PPFIA2: variants seen among roughly 807,000 people sequenced by gnomAD.
The protein encoded by PPFIA2 is PPFI scaffold protein A2.
A neutral mutation model predicts 175.5 loss-of-function variants in PPFIA2; 46 were observed. The ratio of observed to expected loss-of-function variants is 0.26; its 90% CI spans 0.21 to 0.34. The LOEUF (loss-of-function observed/expected upper bound fraction) is 0.34, where lower values mean the gene tolerates loss of function less well. Ranked by LOEUF, PPFIA2 falls within the 10% of genes least tolerant of loss-of-function variation. The pLI is 1.00. For missense variants in PPFIA2, 1,179 were observed against 1,506.1 expected (o/e 0.78, Z 3.60); for synonymous variants, 568 against 511.4 (o/e 1.11, Z -1.49).
At chr12:81,538,856 A>C (rs1355304891) in intron 4 of PPFIA2, among the ~76,000 whole-genome samples, 1 of 151,870 alleles carries the variant, frequency 6.6e-6, no homozygotes, top group African/African-American at 2.4e-5. Context: ...GAGGGTTCTG[A>C]GGGCAATAAT....
At chr12:81,484,004 C>T (rs1027913468) in intron 4 of PPFIA2, among the ~76,000 whole-genome samples, 13 of 151,918 alleles carry the variant, frequency 8.6e-5, no homozygotes, top group African/African-American at 2.7e-4. Flanking sequence ...GTAGGAATCA[C>T]TTTTAAAATG....
intron 22 of PPFIA2, among the ~76,000 whole-genome samples, chr12:81,310,737 T>C (rs894583698): frequency 3.9e-5 from 6 of 152,270 alleles, no homozygotes; most frequent in South Asian, 2.1e-4. Flanking sequence ...CTGCCTTGCA[T>C]TTTTAAGAAC....
intron 22 of PPFIA2, among the ~76,000 whole-genome samples, chr12:81,311,257 A>AACCAGAGT (rs1181704205): frequency 2.0e-5 from 3 of 152,248 alleles, no homozygotes; most frequent in African/African-American, 7.2e-5. Context: ...TTTAGAAATC[A>AACCAGAGT]ACCAGTAGTA....
intron 7 of PPFIA2, among the ~76,000 whole-genome samples, chr12:81,436,344 A>G (rs2049024380): frequency 1.4e-5 from 2 of 145,328 alleles, no homozygotes; most frequent in South Asian, 2.2e-4. Flanking sequence ...AATCTGATGC[A>G]TCAGATAAAC....
At chr12:81,563,002 G>A (rs914155082) in intron 4 of PPFIA2, among the ~76,000 whole-genome samples, 21 of 151,938 alleles carry the variant, frequency 1.4e-4, no homozygotes, top group African/African-American at 4.6e-4. Context: ...AATGTCAATA[G>A]ACAACGAACA....
intron 22 of PPFIA2, among the ~76,000 whole-genome samples, chr12:81,316,401 A>AT (rs901131450): frequency 7.9e-5 from 12 of 151,522 alleles, no homozygotes; most frequent in South Asian, 6.2e-4. Flanking sequence ...CTTTAATTTG[A>AT]TTTTTTTATT....
chr12:81,514,283 A>C (rs1230640225), intron 4 of PPFIA2, among the ~76,000 whole-genome samples: 9 of 151,968 alleles, frequency 5.9e-5, no homozygotes. Context: ...TGATGTTAGC[A>C]TTTAAAACAC....
chr12:81,259,345 T>G lies in PPFIA2; in HGVS notation c.*349A>C, dbSNP rs1173989546. 1 of 520,396 alleles carries G rather than the reference T, an allele frequency of 1.9e-6. No homozygotes were observed. Among genetic ancestry groups the G allele is most frequent in the Non-Finnish European group, 3.5e-6 (1 of 284,684 alleles). 32.2% of individuals were successfully genotyped at this position (520,396 alleles called of 1,614,324 possible). On this transcript the variant is annotated 3_prime_UTR_variant, in exon 33 of 33. Transcript: ENST00000549396. Reference sequence around the variant, plus strand: ...TAAGACTTACACATTTAAAAAGAAATGCACGGTAATACATAAATGCCTAGT... The same window carrying G: ...TAAGACTTACACATTTAAAAAGAAAGGCACGGTAATACATAAATGCCTAGT...
intron 22 of PPFIA2, chr12:81,312,281 G>T (rs1489729151): frequency 2.1e-5 from 22 of 1,055,106 alleles, no homozygotes; most frequent in Admixed American, 4.6e-5. Context: ...TTTAAGATGT[G>T]AGAAAGCTCA....
At chr12:81,717,995 ACT>A (rs2153626045) in intron 3 of PPFIA2, among the ~76,000 whole-genome samples, 1 of 151,646 alleles carries the variant, frequency 6.6e-6, no homozygotes, top group East Asian at 2.0e-4. Flanking sequence ...GGACTTTTGT[ACT>A]CCTGTCCCTC....
At chr12:81,554,000 G>T (rs565271449) in intron 4 of PPFIA2, among the ~76,000 whole-genome samples, 1 of 152,096 alleles carries the variant, frequency 6.6e-6, no homozygotes, top group East Asian at 1.9e-4. Context: ...ATGGCAAAAA[G>T]AAATTAATTG....
At chr12:81,441,477 T>A (rs889606888) in intron 6 of PPFIA2, among the ~76,000 whole-genome samples, 6 of 152,118 alleles carry the variant, frequency 3.9e-5, no homozygotes, top group African/African-American at 1.4e-4. Context: ...GGATCTTTCA[T>A]CATATTGAGC....
chr12:81,490,954 A>C (rs375163504), intron 4 of PPFIA2, among the ~76,000 whole-genome samples: 1 of 151,872 alleles, frequency 6.6e-6, no homozygotes, highest in East Asian at 1.9e-4. Flanking sequence ...CTCTAACTTT[A>C]CTTTTGGCCT....
Position 81,642,829 on chromosome 12 carries a change from T to G in PPFIA2, c.303+33962A>C, listed in dbSNP as rs2065477949. Among the ~76,000 whole-genome samples the G allele has an allele frequency of 1.5e-5, 2 of 129,998 alleles. 1 individual carries two copies. Among genetic ancestry groups the G allele is most frequent in the Non-Finnish European group, 3.2e-5 (2 of 62,152 alleles). 85.3% of individuals were successfully genotyped at this position (129,998 alleles called of 152,430 possible). A position where few individuals can be genotyped will look rare whatever the true frequency, so the allele number is the denominator to read the frequency against. On this transcript the variant is annotated intron_variant, in intron 4 of 32. Coordinates refer to ENST00000549396, the MANE Select transcript of PPFIA2 (RefSeq NM_003625.5). ...TATGTATTACATACATGTATATGTA[T>G]GTATGTATTACATACATATATAACA...
At chr12:81,688,980 TCAAA>T (rs1282781496) in intron 3 of PPFIA2, among the ~76,000 whole-genome samples, 12 of 151,670 alleles carry the variant, frequency 7.9e-5, no homozygotes. Flanking sequence ...TGATCTATAT[TCAAA>T]TTCAAGTTCA....
In PPFIA2 at chr12:81,374,888, T is replaced by C. The variant is rs575695828; in HGVS notation, c.1132-120A>G. 119 of 853,194 alleles carry C rather than the reference T, an allele frequency of 1.4e-4. 1 individual carries two copies. The South Asian group carries it at 2.1e-3, about 15-fold the overall frequency. The allele number at this position is 853,194 out of a possible 1,614,324, so 52.9% of individuals were successfully genotyped here. A position where few individuals can be genotyped will look rare whatever the true frequency, so the allele number is the denominator to read the frequency against. ...GATTTAAATCAGCCACTACCACACC[T>C]AAATGTGCAAAGTGTTGATTGTTGT... On this transcript the variant is annotated intron_variant, in intron 10 of 32. Transcript: ENST00000549396.
chr12:81,388,952 TTA>T (rs113062503), intron 8 of PPFIA2, among the ~76,000 whole-genome samples: 43 of 148,366 alleles, frequency 2.9e-4, no homozygotes, highest in Admixed American at 4.7e-4. Flanking sequence ...CCACACACCA[TTA>T]TATATATATA....
intron 3 of PPFIA2, among the ~76,000 whole-genome samples, chr12:81,747,991 A>G (rs545831950): frequency 1.4e-4 from 20 of 143,990 alleles, no homozygotes; most frequent in African/African-American, 4.9e-4. Context: ...TTAAGGGTAG[A>G]TATTATTTAC....
chr12:81,662,062 A>C lies in PPFIA2; in HGVS notation c.303+14729T>G, dbSNP rs1375085954. Among the ~76,000 whole-genome samples the C allele has an allele frequency of 4.6e-5, 7 of 152,184 alleles. No individual in the cohort carries two copies. In the East Asian group the frequency reaches 1.3e-3, roughly 29 times the overall value. ...CACATTTAAAGCAATGTGTAGAGGG[A>C]AATTTATAGCACTAAATGCCCACAA... On this transcript the variant is annotated intron_variant, in intron 4 of 32. Coordinates refer to ENST00000549396, the MANE Select transcript of PPFIA2 (RefSeq NM_003625.5).
Sources: gnomAD v4.1 joint callset for allele counts (sites outside exome capture counted in the v4.1 genomes callset) on GRCh38, gnomAD v4.1.1 for gene constraint, MANE v1.5 for transcripts, NCBI Gene and HGNC (gene_info 2026-07-23, HGNC 2026-07-21) for gene names.